Variants in TDRP observed in about 807,000 individuals in gnomAD.
TDRP encodes the protein testis development-related protein.
A neutral mutation model predicts 10.5 loss-of-function variants in TDRP; 12 were observed. That is an observed-to-expected ratio of 1.15 (90% CI 0.73 to 1.86). The LOEUF (loss-of-function observed/expected upper bound fraction) is 1.86. Ranked by LOEUF, TDRP falls within the 40% of genes most tolerant of loss-of-function variation. TDRP has a pLI of 0.00. For synonymous variants in TDRP, 139 were observed against 95.4 expected (o/e 1.46, Z -2.67); for missense variants, 353 against 229.2 (o/e 1.54, Z -3.49).
At chr8:537,682 T>C (rs909992667) in intron 1 of TDRP, among the ~76,000 whole-genome samples, 10 of 152,148 alleles carry the variant, frequency 6.6e-5, no homozygotes, top group Non-Finnish European at 1.3e-4. Context: ...TCCTTTAAAG[T>C]CGAATGCTAA....
intron 1 of TDRP, 42 bp downstream of exon 1, chr8:544,608 G>GC: frequency 8.3e-7 from 1 of 1,200,166 alleles, no homozygotes. Flanking sequence ...CCACCTGCGC[G>GC]CCCCCGGCCT....
intron 1 of TDRP, among the ~76,000 whole-genome samples, chr8:499,729 C>T (rs1801234707): frequency 6.6e-6 from 1 of 152,212 alleles, no homozygotes; most frequent in Admixed American, 6.5e-5. Context: ...CTGAAGTCTC[C>T]CACATTTCCC....
chr8:521,363 G>C (rs916357348), intron 1 of TDRP, among the ~76,000 whole-genome samples: 3 of 151,902 alleles, frequency 2.0e-5, no homozygotes, highest in African/African-American at 7.3e-5. Context: ...CTTACAGTGA[G>C]CCGAGCTCAC....
intron 1 of TDRP, among the ~76,000 whole-genome samples, chr8:531,932 G>A (rs528025608): frequency 6.6e-6 from 1 of 152,192 alleles, no homozygotes; most frequent in African/African-American, 2.4e-5. Flanking sequence ...GCAGTACTCT[G>A]ACAGTGGGCC....
intron 1 of TDRP, among the ~76,000 whole-genome samples, chr8:530,749 T>C (rs895153089): frequency 1.3e-5 from 2 of 152,130 alleles, no homozygotes; most frequent in Non-Finnish European, 2.9e-5. Flanking sequence ...ATACCCTTGG[T>C]TCTCTCAGCG....
At chr8:543,983 A>G (rs1008395900) in intron 1 of TDRP, among the ~76,000 whole-genome samples, 2 of 151,930 alleles carry the variant, frequency 1.3e-5, no homozygotes, top group African/African-American at 4.8e-5. Context: ...CCCACCTGGG[A>G]GCCCTTTCAA....
intron 1 of TDRP, among the ~76,000 whole-genome samples, chr8:538,904 C>G (rs1009953937): frequency 6.6e-6 from 1 of 152,218 alleles, no homozygotes; most frequent in Non-Finnish European, 1.5e-5. Context: ...CTGGTTGGAA[C>G]GTAAACCAGG....
At chr8:543,093 AG>A (rs1802541988) in intron 1 of TDRP, among the ~76,000 whole-genome samples, 1 of 152,116 alleles carries the variant, frequency 6.6e-6, no homozygotes, top group South Asian at 2.1e-4. Context: ...GGATCACGTG[AG>A]CCCAGGAGTT....
Position 491,580 on chromosome 8 carries a change from T to G in TDRP, c.*819A>C, listed in dbSNP as rs546625541. The G allele has an allele frequency of 2.1e-3, 3,133 of 1,501,122 alleles. 7 individuals carry two copies. The highest frequency in any genetic ancestry group is 2.6e-3 in the Non-Finnish European group (2,911 of 1,134,758). The allele number at this position is 1,501,122 out of a possible 1,614,324, so 93.0% of individuals were successfully genotyped here. A position where few individuals can be genotyped will look rare whatever the true frequency, so the allele number is the denominator to read the frequency against. ...AATAAAAAAGAGGCACTTCAGTATT[T>G]TATGCACAGTCTTAACTCTCTATAA... On this transcript the variant is annotated 3_prime_UTR_variant, in exon 3 of 3. Transcript: ENST00000324079.
intron 1 of TDRP, among the ~76,000 whole-genome samples, chr8:526,738 C>T (rs1488058268): frequency 6.6e-6 from 1 of 152,130 alleles, no homozygotes; most frequent in East Asian, 1.9e-4. Context: ...TTATTCCCTT[C>T]TCCTCTATTT....
chr8:499,737 C>T (rs967717777), intron 1 of TDRP, among the ~76,000 whole-genome samples: 3 of 152,258 alleles, frequency 2.0e-5, no homozygotes, highest in Non-Finnish European at 4.4e-5. Flanking sequence ...TCCCACATTT[C>T]CCTCTGAGCA....
chr8:510,625 C>T (rs535886861), intron 1 of TDRP, among the ~76,000 whole-genome samples: 1 of 152,328 alleles, frequency 6.6e-6, no homozygotes, highest in Admixed American at 6.5e-5. Context: ...ACCAAAAATC[C>T]TATATCCAGC....
intron 2 of TDRP, 102 bp from the exon 3 acceptor site, chr8:492,846 T>C (rs1198302131): frequency 1.1e-6 from 1 of 905,124 alleles, no homozygotes; most frequent in African/African-American, 1.7e-5. Context: ...TAAAAAATTG[T>C]TTAGAAAACT....
intron 1 of TDRP, among the ~76,000 whole-genome samples, chr8:521,321 G>A (rs958078010): frequency 3.3e-5 from 5 of 151,898 alleles, no homozygotes; most frequent in Non-Finnish European, 7.4e-5. Flanking sequence ...GGAGGCTGAG[G>A]CAGGAGAATG....
rs1373400844 is a variant in TDRP, at chr8:528,858, T to G, written c.108+15792A>C. On this transcript the variant is annotated intron_variant, in intron 1 of 2. Transcript: ENST00000324079. ...ATGTGTGTGTATATATGTGTGTGTGTGTGTAAAGGGGAATTTATTAAGTAG... is the reference window on the plus strand; with the variant it reads ...ATGTGTGTGTATATATGTGTGTGTGGGTGTAAAGGGGAATTTATTAAGTAG... Among the ~76,000 whole-genome samples the G allele has an allele frequency of 3.3e-5, 5 of 152,236 alleles. No homozygotes were observed. The South Asian group carries it at 1.0e-3, about 32-fold the overall frequency.
At chr8:528,155 A>C (rs929779046) in intron 1 of TDRP, among the ~76,000 whole-genome samples, 1 of 152,224 alleles carries the variant, frequency 6.6e-6, no homozygotes, top group African/African-American at 2.4e-5. Flanking sequence ...GGTATATGAA[A>C]AGGTATTCAA....
At chr8:500,167 G>A (rs1325233217) in intron 1 of TDRP, among the ~76,000 whole-genome samples, 14 of 152,150 alleles carry the variant, frequency 9.2e-5, no homozygotes, top group Admixed American at 3.3e-4. Flanking sequence ...ACAAAACAAC[G>A]AAAAATTATT....
chr8:520,124 A>C (rs984047046), intron 1 of TDRP, among the ~76,000 whole-genome samples: 2 of 152,216 alleles, frequency 1.3e-5, no homozygotes, highest in Admixed American at 1.3e-4. Flanking sequence ...TGGAAAGAAA[A>C]CATTTTAAAA....
chr8:515,890 C>G (rs1435013917), intron 1 of TDRP, among the ~76,000 whole-genome samples: 1 of 151,550 alleles, frequency 6.6e-6, no homozygotes, highest in African/African-American at 2.4e-5. Context: ...ACGATTAGAC[C>G]TAACAAAAAA....
Sources: gnomAD v4.1 joint callset for allele counts (sites outside exome capture counted in the v4.1 genomes callset) on GRCh38, gnomAD v4.1.1 for gene constraint, MANE v1.5 for transcripts, NCBI Gene and HGNC (gene_info 2026-07-23, HGNC 2026-07-21) for gene names.